Variants in ZNF331 observed in about 807,000 individuals in gnomAD.
ZNF331 encodes zinc finger protein 331, also known as C2H2-like zinc finger protein rearranged in thyroid adenomas.
Under a neutral mutation model 7.0 loss-of-function variants are expected in ZNF331, and 2 were observed. The observed-to-expected ratio is 0.29, with a 90% CI of 0.12 to 0.90. The LOEUF is 0.90. Among genes scored for constraint, ZNF331 ranks in the 40% least tolerant of loss-of-function variants. ZNF331 has a pLI of 0.58. For synonymous variants in ZNF331, 196 were observed against 205.4 expected (o/e 0.95, Z 0.39); for missense variants, 432 against 587.7 (o/e 0.74, Z 2.74).
intron 3 of ZNF331, among the ~76,000 whole-genome samples, chr19:53,559,529 C>T (rs1272975011): frequency 2.7e-5 from 4 of 150,604 alleles, no homozygotes; most frequent in Non-Finnish European, 5.9e-5. Flanking sequence ...CACACATATA[C>T]ACACACGCCA....
At chr19:53,546,318 GACTCTTT>G (rs2088612700) in intron 2 of ZNF331, among the ~76,000 whole-genome samples, 1 of 151,910 alleles carries the variant, frequency 6.6e-6, no homozygotes, top group South Asian at 2.1e-4. Context: ...TATGACTTAG[GACTCTTT>G]ACTCTTTATG....
rs766107190 is a variant in ZNF331 at position 53,576,806 on chromosome 19, C to A, written c.246C>A (p.Asn82Lys). 3.7e-6 allele frequency: 6 copies of A among 1,614,116 alleles called. No individual in the cohort carries two copies. The South Asian group carries it at 6.6e-5, about 18-fold the overall frequency. ...SDRRSKSLGR[N>K]WICEGTLERP... ...GAAGAAGTAAATCCCTTGGCCGTAACTGGATATGTGAAGGTACGCTTGAAA... is the reference window on the plus strand; with the variant it reads ...GAAGAAGTAAATCCCTTGGCCGTAAATGGATATGTGAAGGTACGCTTGAAA... Residue 82 changes from asparagine to lysine, a missense_variant, in exon 6 of 6, where the codon AAC becomes AAA. Physicochemically the swap from Asn to Lys is moderately conservative, Grantham distance 94. This residue lies in a region of ZNF331 where 81 missense variants were observed against 70.3 expected (regional missense o/e 1.15). Transcript: ENST00000449416.
At chr19:53,554,736 G>A (rs2089262631) in intron 2 of ZNF331, 1 of 152,444 alleles carries the variant, frequency 6.6e-6, no homozygotes, top group Middle Eastern at 3.4e-3. Context: ...CGGGCACGGA[G>A]CTTCTAGCGG....
chr19:53,523,779 T>C (rs987886760), intron 2 of ZNF331, among the ~76,000 whole-genome samples: 3 of 152,048 alleles, frequency 2.0e-5, no homozygotes, highest in Non-Finnish European at 4.4e-5. Flanking sequence ...TATTTTTTTT[T>C]TATACTTTAA....
chr19:53,510,535 C>T, the ZNF331 span, among the ~76,000 whole-genome samples: 23 of 151,166 alleles, frequency 1.5e-4, no homozygotes, highest in Non-Finnish European at 2.2e-4. Flanking sequence ...GTGTCTTATG[C>T]ACTGCAGTCT....
the ZNF331 span, among the ~76,000 whole-genome samples, chr19:53,506,177 T>C: frequency 5.5e-5 from 8 of 145,080 alleles, no homozygotes; most frequent in African/African-American, 5.1e-5. Flanking sequence ...CTACTAAAAA[T>C]ACAAAAAATT....
the ZNF331 span, chr19:53,512,003 T>A: frequency 6.6e-6 from 1 of 152,354 alleles, no homozygotes; most frequent in South Asian, 2.1e-4. Flanking sequence ...AAGTCATCCC[T>A]GCTGGTCATC....
the ZNF331 span, among the ~76,000 whole-genome samples, chr19:53,513,326 CAG>C: frequency 3.3e-5 from 5 of 151,900 alleles, no homozygotes; most frequent in African/African-American, 4.8e-5. Flanking sequence ...GACGCATACT[CAG>C]AGGTAGGATT....
At chr19:53,564,714 A>G (rs2090073935) in intron 3 of ZNF331, among the ~76,000 whole-genome samples, 1 of 152,198 alleles carries the variant, frequency 6.6e-6, no homozygotes, top group African/African-American at 2.4e-5. Context: ...TGTGTTCTCT[A>G]CTATGAGATA....
intron 3 of ZNF331, among the ~76,000 whole-genome samples, chr19:53,568,033 G>A (rs771995672): frequency 4.6e-5 from 7 of 152,020 alleles, no homozygotes; most frequent in Non-Finnish European, 7.4e-5. Flanking sequence ...GGCAGATCAC[G>A]AGGTCGGGAG....
At chr19:53,551,902 A>T (rs1389594939) in intron 2 of ZNF331, among the ~76,000 whole-genome samples, 1 of 152,158 alleles carries the variant, frequency 6.6e-6, no homozygotes. Flanking sequence ...GGGGTTCTGG[A>T]ACAAATCTGG....
intron 3 of ZNF331, among the ~76,000 whole-genome samples, chr19:53,557,678 C>T (rs1315874561): frequency 1.3e-5 from 2 of 152,130 alleles, no homozygotes; most frequent in South Asian, 2.1e-4. Context: ...AACTTTGTGA[C>T]TTGGCCGGGT....
At chr19:53,564,646 T>G (rs531040037) in intron 3 of ZNF331, among the ~76,000 whole-genome samples, 1 of 152,366 alleles carries the variant, frequency 6.6e-6, no homozygotes, top group Admixed American at 6.5e-5. Context: ...TCTCAATTAA[T>G]CTGCATCAAT....
intron 3 of ZNF331, among the ~76,000 whole-genome samples, chr19:53,568,849 CTTTTTT>C (rs537822108): frequency 7.8e-5 from 6 of 77,106 alleles, no homozygotes; most frequent in African/African-American, 3.3e-4. Context: ...CCATGATACT[CTTTTTT>C]TTTTTTTTTT....
At chr19:53,528,171 A>G (rs972069415) in intron 2 of ZNF331, among the ~76,000 whole-genome samples, 11 of 152,246 alleles carry the variant, frequency 7.2e-5, no homozygotes, top group African/African-American at 2.2e-4. Flanking sequence ...TCATGTCTCT[A>G]TTTCCCTAGT....
intron 3 of ZNF331, among the ~76,000 whole-genome samples, chr19:53,561,345 A>C (rs1348201131): frequency 1.3e-5 from 2 of 152,000 alleles, no homozygotes; most frequent in Non-Finnish European, 2.9e-5. Flanking sequence ...AAAAAAAAAA[A>C]AAAAAAACAA....
rs548465281 is a variant in ZNF331, at chr19:53,560,327, C to T, written c.-74+4419C>T. 6.6e-6 allele frequency among the ~76,000 whole-genome samples: 1 copy of T among 152,034 alleles called. No individual in the cohort carries two copies. The highest frequency in any genetic ancestry group is 6.6e-5 in the Admixed American group (1 of 15,256). Reference sequence around the variant, plus strand: ...CACCCACACCATATACACACACATACACATATATAAACACCATATATATAC... The same window carrying T: ...CACCCACACCATATACACACACATATACATATATAAACACCATATATATAC... On this transcript the variant is annotated intron_variant, in intron 3 of 5. Coordinates refer to ENST00000449416, the MANE Select transcript of ZNF331 (RefSeq NM_001079906.2). This position sits in a 1 kb window ranked among gnomAD's most constrained non-coding sequence, Gnocchi z 4.3.
chr19:53,568,341 T>G (rs146377120), intron 3 of ZNF331, among the ~76,000 whole-genome samples: 1 of 152,084 alleles, frequency 6.6e-6, no homozygotes, highest in Non-Finnish European at 1.5e-5. Context: ...CTCATTACTC[T>G]GCTGTCTTTG....
upstream of ZNF331, among the ~76,000 whole-genome samples, chr19:53,534,152 C>G (rs1175888881): frequency 6.6e-6 from 1 of 152,142 alleles, no homozygotes; most frequent in Non-Finnish European, 1.5e-5. Flanking sequence ...TCCTAGAAGT[C>G]AAAAGTCTAA....
Sources: allele counts gnomAD v4.1 joint callset (sites outside exome capture counted in the v4.1 genomes callset), GRCh38; gene constraint gnomAD v4.1.1; regional missense constraint gnomAD v4.1.1; non-coding constraint Gnocchi (gnomAD v3.1); transcripts MANE v1.5; gene names NCBI Gene and HGNC (gene_info 2026-07-23, HGNC 2026-07-21).